PGD: variants seen among roughly 807,000 people sequenced by gnomAD.
The protein encoded by PGD is 6-phosphogluconate dehydrogenase, decarboxylating.
PGD carries 21 observed loss-of-function variants against 60.4 expected under a neutral mutation model. That is an observed-to-expected ratio of 0.35 (90% CI 0.25 to 0.50). The LOEUF is 0.50. Ranked by LOEUF, PGD falls within the 20% of genes least tolerant of loss-of-function variation. The pLI is 0.98. For synonymous variants in PGD, 230 were observed against 235.9 expected, an observed-to-expected ratio of 0.97 and a Z score of 0.23; for missense variants, 477 against 613.1, an observed-to-expected ratio of 0.78 and a Z score of 2.34.
chr1:10,415,236 TGTAA>T (rs750039476), intron 8 of PGD: 1 of 152,200 alleles, frequency 6.6e-6, no homozygotes, highest in Non-Finnish European at 1.5e-5. Flanking sequence ...AACTGTGTGG[TGTAA>T]GGCAGAGTAA....
chr1:10,400,604 C>G (rs774972665), intron 3 of PGD, 32 bp downstream of exon 3: 1 of 1,524,504 alleles, frequency 6.6e-7, no homozygotes, highest in Admixed American at 2.0e-5. Context: ...GCTGCTACCA[C>G]GATAGCAGCT....
In PGD at chr1:10,405,401, TACACACAC is replaced by T. The variant is rs57033638; in HGVS notation, c.449+1140_449+1147del. 1.0e-3 allele frequency among the ~76,000 whole-genome samples: 109 copies of T among 108,508 alleles called. No homozygotes were observed. The Middle Eastern group carries it at 0.027, about 26-fold the overall frequency. 71.2% of individuals were successfully genotyped at this position (108,508 alleles called of 152,430 possible). ...AAAACAAAACAAAACAAACAAAAAA[TACACACAC>T]ACACACACACACACACATATATATA... is the stretch of plus-strand genomic sequence containing the variant. On this transcript the variant is annotated intron_variant, in intron 5 of 12. Transcript: ENST00000270776.
chr1:10,401,488 G>C (rs1028613003), intron 3 of PGD, among the ~76,000 whole-genome samples: 1 of 152,128 alleles, frequency 6.6e-6, no homozygotes, highest in Non-Finnish European at 1.5e-5. Flanking sequence ...TCAACAGTGG[G>C]GTTGTTTCCA....
Position 10,419,744 on chromosome 1 carries a change from G to T in PGD, c.1447G>T (p.Ala483Ser). The part of the protein sequence containing the change: ...GGTVSSSSYN[A>S] ...CACCGTGTCATCCTCGTCATACAAT[G>T]CCTGATCATGCTGCTCCTGTCACCC... Residue 483 changes from alanine (A) to serine (S), a missense_variant, in exon 13 of 13, where the codon GCC becomes TCC. Physicochemically the swap from Ala to Ser is moderately conservative, Grantham distance 99. This residue lies in a region of PGD where 44 missense variants were observed against 40.3 expected (regional missense o/e 1.09). Coordinates refer to ENST00000270776, the MANE Select transcript of PGD (RefSeq NM_002631.4). 1 of 1,614,174 alleles carries T rather than the reference G, an allele frequency of 6.2e-7. No individual in the cohort carries two copies. The highest frequency in any genetic ancestry group is 2.2e-5 in the East Asian group (1 of 44,888).
In PGD at chr1:10,419,919, C is replaced by G; in HGVS notation, c.*170C>G. ...ATTTGTAAAGTAGCTCTGTGAGAGC[C>G]ACCATGCCCTCTGCCCTTGCCTCTT... On this transcript the variant is annotated 3_prime_UTR_variant, in exon 13 of 13. Coordinates refer to ENST00000270776, the MANE Select transcript of PGD (RefSeq NM_002631.4). 1.3e-6 allele frequency: 1 copy of G among 746,958 alleles called. No individual in the cohort carries two copies. Among genetic ancestry groups the G allele is most frequent in the Non-Finnish European group, 2.2e-6 (1 of 462,342 alleles). 46.3% of individuals were successfully genotyped at this position (746,958 alleles called of 1,614,324 possible).
chr1:10,416,120 G>T (rs1168605152), intron 8 of PGD, among the ~76,000 whole-genome samples: 1 of 152,086 alleles, frequency 6.6e-6, no homozygotes, highest in Non-Finnish European at 1.5e-5. Context: ...TAGAGACAGG[G>T]TCTCACTGTG....
chr1:10,405,920 C>A (rs779262568), intron 5 of PGD, among the ~76,000 whole-genome samples: 1 of 152,150 alleles, frequency 6.6e-6, no homozygotes, highest in Non-Finnish European at 1.5e-5. Flanking sequence ...GTGGCGCGAT[C>A]TCTGCTCACT....
chr1:10,416,124 C>T (rs993922112), intron 8 of PGD, among the ~76,000 whole-genome samples: 3 of 152,090 alleles, frequency 2.0e-5, no homozygotes, highest in African/African-American at 7.2e-5. Context: ...GACAGGGTCT[C>T]ACTGTGTTGC....
intron 10 of PGD, among the ~76,000 whole-genome samples, chr1:10,417,970 C>T (rs1639624905): frequency 6.6e-6 from 1 of 152,230 alleles, no homozygotes; most frequent in Admixed American, 6.5e-5. Context: ...CCTCAGCCTC[C>T]CAAAGTGCTG....
At chr1:10,418,773 CAAAAAAAA>C in intron 10 of PGD, 45 bp from the exon 11 acceptor site, 3 of 783,234 alleles carry the variant, frequency 3.8e-6, no homozygotes, top group Non-Finnish European at 5.8e-6. Flanking sequence ...GACTCCGTCT[CAAAAAAAA>C]AAAAAAAAAG....
chr1:10,411,363 C>T (rs1217047859), intron 6 of PGD, 55 bp from the exon 7 acceptor site: 8 of 1,607,510 alleles, frequency 5.0e-6, no homozygotes, highest in Non-Finnish European at 6.8e-6. Flanking sequence ...ATGTGGACTT[C>T]TCTGATGTGT....
intron 3 of PGD, 106 bp downstream of exon 3, chr1:10,400,678 T>A: frequency 1.2e-6 from 1 of 817,452 alleles, no homozygotes; most frequent in Non-Finnish European, 1.9e-6. Flanking sequence ...TTTCAATTTC[T>A]GCTAAGCTCT....
At chr1:10,411,283 G>A in intron 6 of PGD, 135 bp from the exon 7 acceptor site, 3 of 847,496 alleles carry the variant, frequency 3.5e-6, no homozygotes, top group Non-Finnish European at 5.6e-6. Flanking sequence ...CAAAAATGCT[G>A]TACTCATTTT....
chr1:10,399,603 C>A (rs375440605), intron 1 of PGD, 26 bp from the exon 2 acceptor site: 20 of 1,608,686 alleles, frequency 1.2e-5, no homozygotes, highest in Middle Eastern at 1.6e-4. Flanking sequence ...CTGACTCTTT[C>A]CTTTGTTCTG....
chr1:10,408,693 C>T (rs1639448064), intron 6 of PGD, among the ~76,000 whole-genome samples: 1 of 152,188 alleles, frequency 6.6e-6, no homozygotes, highest in African/African-American at 2.4e-5. Context: ...ACCGCAACCT[C>T]CACCTCCCAG....
chr1:10,408,057 G>C lies in PGD; in HGVS notation c.450-14G>C, dbSNP rs375805055. 5.1e-5 allele frequency: 79 copies of C among 1,561,710 alleles called. No individual in the cohort carries two copies. Among genetic ancestry groups the C allele is most frequent in the Non-Finnish European group, 6.4e-5 (72 of 1,132,318 alleles). On this transcript the variant is annotated splice_polypyrimidine_tract_variant and intron_variant, in intron 5 of 12. Transcript: ENST00000270776. ...CTCTTCTCATTAACTGAACCACACT[G>C]TTTCTTTACACAGGCCCCACATCAA...
Position 10,403,102 on chromosome 1 carries a change from T to C in PGD, c.296T>C (p.Ile99Thr), listed in dbSNP as rs745598439. Residue 99 changes from isoleucine to threonine, a missense_variant, in exon 4 of 13, where the codon ATT (isoleucine) becomes ACT (threonine). By Grantham distance (89) the Ile-to-Thr change is moderately conservative (BLOSUM62 -1). Transcript: ENST00000270776. ...VPLLDTGDIIIDGGNSEYRDT... is the reference protein window; with the variant it reads ...VPLLDTGDIITDGGNSEYRDT... The stretch of plus-strand genomic sequence containing the variant: ...TTGTTGGATACTGGTGACATCATCA[T>C]TGACGGAGGAAATTCTGAATATAGG... 8 of 1,611,286 alleles carry C rather than the reference T, an allele frequency of 5.0e-6. No homozygotes were observed. The South Asian group carries it at 8.8e-5, about 18-fold the overall frequency.
chr1:10,415,500 C>T (rs1639580794), intron 8 of PGD: 1 of 152,232 alleles, frequency 6.6e-6, no homozygotes, highest in African/African-American at 2.4e-5. Flanking sequence ...TATTTGTGAA[C>T]TAACAGGGAA....
At chr1:10,405,403 C>T (rs1227813779) in intron 5 of PGD, among the ~76,000 whole-genome samples, 2 of 145,156 alleles carry the variant, frequency 1.4e-5, no homozygotes, top group Non-Finnish European at 1.5e-5. Flanking sequence ...ACAAAAAATA[C>T]ACACACACAC....
Sources: gnomAD v4.1 joint callset for allele counts (sites outside exome capture counted in the v4.1 genomes callset) on GRCh38, gnomAD v4.1.1 for gene constraint, gnomAD v4.1.1 regional missense constraint, MANE v1.5 for transcripts, NCBI Gene and HGNC (gene_info 2026-07-23, HGNC 2026-07-21) for gene names.